SYN1: variants seen among roughly 807,000 people sequenced by gnomAD.
SYN1 encodes synapsin I, also known as synapsin-1.
In SYN1, 8 loss-of-function variants were observed where a neutral mutation model predicts 44.6. That is an observed-to-expected ratio of 0.18 (90% CI 0.11 to 0.32). SYN1 has a LOEUF of 0.32. Among genes scored for constraint, SYN1 ranks in the 10% least tolerant of loss-of-function variants. The pLI is 1.00. For missense variants in SYN1, 451 were observed against 639.4 expected (o/e 0.71, Z 3.18); for synonymous variants, 275 against 280.1 (o/e 0.98, Z 0.18).
At position 47,619,529 on chromosome X, in the gene SYN1, C is replaced by T. The variant is rs1297707288; in HGVS notation, c.200G>A (p.Ser67Asn). 1.7e-6 allele frequency: 2 copies of T among 1,192,334 alleles called. No homozygotes were observed. The highest frequency in any genetic ancestry group is 1.1e-6 in the Non-Finnish European group (1 of 888,778). Residue 67 changes from serine (S) to asparagine (N), a missense_variant, in exon 1 of 13, where the codon AGC (serine) becomes AAC (asparagine). This residue lies in a region of SYN1 where 315 missense variants were observed against 451.4 expected (regional missense o/e 0.70). Coordinates refer to ENST00000295987, the MANE Select transcript of SYN1 (RefSeq NM_006950.3). Reference protein sequence around the residue: ...VAPAASPAAPSPGSSGGGGFF... With the variant: ...VAPAASPAAPNPGSSGGGGFF... ...GCCACCGCCCCCCGAGGACCCGGGG[C>T]TAGGGGCGGCCGGAGAGGCCGCTGG...
chrX:47,606,848 A>G, intron 3 of SYN1, 97 bp downstream of exon 3: 1 of 882,293 alleles, frequency 1.1e-6, no homozygotes, highest in South Asian at 2.1e-5. Context: ...GTTCTTGCCC[A>G]CAGAAGGATG....
rs2147912165 is a variant in SYN1, at chrX:47,574,301, T to TG, written c.1682dup (p.Gln562ThrfsTer122). 3.7e-6 allele frequency: 4 copies of TG among 1,093,043 alleles called. No homozygotes were observed. The highest frequency in any genetic ancestry group is 3.3e-5 in the Admixed American group (1 of 30,688). 90.1% of individuals were successfully genotyped at this position (1,093,043 alleles called of 1,213,427 possible). A position where few individuals can be genotyped will look rare whatever the true frequency, so the allele number is the denominator to read the frequency against. Reference sequence around the variant, plus strand: ...AGACGGATGTCTGACGGGTAGCCTGTGGGGGGCCCGCCTGGCGCTGGGGAG... The same window carrying TG: ...AGACGGATGTCTGACGGGTAGCCTGTGGGGGGGCCCGCCTGGCGCTGGGGAG... On this transcript the variant is annotated frameshift_variant, in exon 12 of 13. Coordinates refer to ENST00000295987, the MANE Select transcript of SYN1 (RefSeq NM_006950.3). LOFTEE classifies it high-confidence loss of function.
Position 47,574,256 on chromosome X carries a change from C to A in SYN1, c.1728G>T (p.Lys576Asn). ...QTSVSGPAPPKASGAPPGGQQ... is the reference protein window; with the variant it reads ...QTSVSGPAPPNASGAPPGGQQ... ...GCCCGCCCGGTGGGGCCCCAGAGGC[C>A]TTTGGCGGAGCCGGGCCAGAGACGG... is the stretch of plus-strand genomic sequence containing the variant. Residue 576 changes from lysine to asparagine, a missense_variant, in exon 12 of 13, where the codon AAG becomes AAT. Transcript: ENST00000295987. 1 of 1,103,681 alleles carries A rather than the reference C, an allele frequency of 9.1e-7. No homozygotes were observed. The highest frequency in any genetic ancestry group is 1.2e-6 in the Non-Finnish European group (1 of 848,793). The allele number at this position is 1,103,681 out of a possible 1,213,427, so 91.0% of individuals were successfully genotyped here.
rs752832099 is a variant in SYN1, at chrX:47,585,299, C to T, written c.775-7798G>A. On this transcript the variant is annotated intron_variant, in intron 5 of 12. Coordinates refer to ENST00000295987, the MANE Select transcript of SYN1 (RefSeq NM_006950.3). ...AGTGTCTGCGGATACTTCCACAGGT[C>T]CCACAACCGCAGCGAGGAGTTTCTC... The T allele has an allele frequency of 1.6e-5, 19 of 1,211,784 alleles. No homozygotes were observed. The South Asian group carries it at 2.8e-4, about 18-fold the overall frequency.
At chrX:47,602,983 A>C (rs2147926669) in intron 5 of SYN1, among the ~76,000 whole-genome samples, 1 of 109,993 alleles carries the variant, frequency 9.1e-6, no homozygotes, top group East Asian at 2.8e-4. Context: ...CTCATAATTT[A>C]TATTAGTAAT....
chrX:47,599,376 T>C (rs184220411), intron 5 of SYN1, among the ~76,000 whole-genome samples: 1 of 112,562 alleles, frequency 8.9e-6, no homozygotes, highest in East Asian at 2.8e-4. Context: ...AAACAAAATA[T>C]AAAAACTATT....
chrX:47,595,087 G>A (rs1299469609), intron 5 of SYN1, among the ~76,000 whole-genome samples: 1 of 111,592 alleles, frequency 9.0e-6, no homozygotes, highest in African/African-American at 3.3e-5. Flanking sequence ...TCCATGAAGG[G>A]CTGAAGAGGA....
chrX:47,599,280 A>C (rs902632660), intron 5 of SYN1, among the ~76,000 whole-genome samples: 1 of 112,248 alleles, frequency 8.9e-6, no homozygotes, highest in African/African-American at 3.2e-5. Context: ...GGAAAAAAAA[A>C]CGTGCAGCTT....
chrX:47,573,956 C>A, intron 12 of SYN1, 46 bp downstream of exon 12: 1 of 1,080,848 alleles, frequency 9.3e-7, no homozygotes, highest in Non-Finnish European at 1.2e-6. Flanking sequence ...GGCAGCGGCC[C>A]GCTTTGTGAG....
At chrX:47,584,898 G>A in intron 5 of SYN1, 1 of 1,115,788 alleles carries the variant, frequency 9.0e-7, no homozygotes, top group Non-Finnish European at 1.2e-6. Flanking sequence ...ATTGGCTCAT[G>A]CAGTCCATTT....
chrX:47,591,269 T>C (rs2057846869), intron 5 of SYN1, among the ~76,000 whole-genome samples: 3 of 112,555 alleles, frequency 2.7e-5, no homozygotes, highest in Non-Finnish European at 5.6e-5. Flanking sequence ...TTGTCAGAAC[T>C]ACATAGTTAC....
Position 47,576,636 on chromosome X carries a change from T to C in SYN1, c.842A>G (p.Lys281Arg), listed in dbSNP as rs756851219. 1.7e-6 allele frequency: 2 copies of C among 1,211,880 alleles called. No homozygotes were observed. The highest frequency in any genetic ancestry group is 2.2e-6 in the Non-Finnish European group (2 of 895,597). ...CTGGAAGTCATGCTGGTTGTCAACCTTGACCTGTGGAAGTGCGGGCAAGGA... is the reference window on the plus strand; with the variant it reads ...CTGGAAGTCATGCTGGTTGTCAACCCTGACCTGTGGAAGTGCGGGCAAGGA... ...GHAHSGMGKV[K>R]VDNQHDFQDI... The change falls in exon 7 of 13, where the codon AAG becomes AGG. Residue 281 changes from lysine to arginine, a missense_variant. By Grantham distance (26) the Lys-to-Arg change is conservative. Around this residue, in one of 3 missense-constraint regions of SYN1, gnomAD observed 315 missense variants for 451.4 expected, o/e 0.70. Coordinates refer to ENST00000295987, the MANE Select transcript of SYN1 (RefSeq NM_006950.3).
At chrX:47,606,724 G>C (rs2057898330) in intron 3 of SYN1, among the ~76,000 whole-genome samples, 2 of 104,365 alleles carry the variant, frequency 1.9e-5, no homozygotes, top group Middle Eastern at 9.6e-3. Context: ...GCAAGACCCT[G>C]TCTGAAATAT....
Position 47,606,987 on chromosome X carries a change from G to A in SYN1, c.485C>T (p.Ser162Phe), listed in dbSNP as rs1287722996. Residue 162 changes from serine (S) to phenylalanine (F), a missense_variant, in exon 3 of 13, where the codon TCT becomes TTT. Physicochemically the swap from Ser to Phe is radical, Grantham distance 155. Around this residue, in one of 3 missense-constraint regions of SYN1, gnomAD observed 315 missense variants for 451.4 expected, o/e 0.70. Coordinates refer to ENST00000295987, the MANE Select transcript of SYN1 (RefSeq NM_006950.3). ...ATTCCGAAGAACTTCCATATCCACAGAGAATCCACCATTGGCATGGGCCAC... is the reference window on the plus strand; with the variant it reads ...ATTCCGAAGAACTTCCATATCCACAAAGAATCCACCATTGGCATGGGCCAC... ...NLVAHANGGF[S>F]VDMEVLRNGV... is the part of the protein sequence containing the mutation. The A allele has an allele frequency of 8.3e-7, 1 of 1,208,604 alleles. No individual in the cohort carries two copies. The highest frequency in any genetic ancestry group is 1.8e-5 in the African/African-American group (1 of 56,692).
At chrX:47,602,079 T>C (rs1049930800) in intron 5 of SYN1, among the ~76,000 whole-genome samples, 1 of 112,604 alleles carries the variant, frequency 8.9e-6, no homozygotes, top group Non-Finnish European at 1.9e-5. Flanking sequence ...GCAGTTAATA[T>C]ATGCCAGATG....
rs745743511 is a variant in SYN1 at position 47,575,163 on chromosome X, G to A, written c.1270C>T (p.Arg424Trp). The A allele has an allele frequency of 1.7e-6, 2 of 1,192,482 alleles. No homozygotes were observed. Among genetic ancestry groups the A allele is most frequent in the Non-Finnish European group, 2.3e-6 (2 of 885,705 alleles). ...GAGCCCCTGCCAGGGGAGGCATCCC[G>A]CTGTCGCTGCCGGGGCAGGGCCTGA... ...MAQALPRQRQRDASPGRGSHG... is the reference protein window; with the variant it reads ...MAQALPRQRQWDASPGRGSHG... Residue 424 changes from arginine (R) to tryptophan (W), a missense_variant, in exon 10 of 13, where the codon CGG becomes TGG. By Grantham distance (101) the Arg-to-Trp change is moderately radical. Around this residue, in one of 3 missense-constraint regions of SYN1, gnomAD observed 315 missense variants for 451.4 expected, o/e 0.70. Coordinates refer to ENST00000295987, the MANE Select transcript of SYN1 (RefSeq NM_006950.3).
Position 47,574,560 on chromosome X carries a change from TG to T in SYN1, c.1423del (p.Gln475SerfsTer192). On this transcript the variant is annotated frameshift_variant, in exon 12 of 13. Coordinates refer to ENST00000295987, the MANE Select transcript of SYN1 (RefSeq NM_006950.3). LOFTEE classifies it high-confidence loss of function. ...GGPPQPGPGPQRQGPPLQQRP... is the reference protein window; with the variant it reads ...GGPPQPGPGPXRQGPPLQQRP... ...CTGCTGCAATGGGGGTCCCTGGCGC[TG>T]GGGGCCTGGACCCGGCTGTGGAGGG... 9.2e-7 allele frequency: 1 copy of T among 1,083,493 alleles called. No homozygotes were observed. The highest frequency in any genetic ancestry group is 1.2e-6 in the Non-Finnish European group (1 of 834,184). 89.3% of individuals were successfully genotyped at this position (1,083,493 alleles called of 1,213,427 possible).
chrX:47,593,466 AC>A (rs901232576), intron 5 of SYN1, among the ~76,000 whole-genome samples: 2 of 110,036 alleles, frequency 1.8e-5, no homozygotes, highest in African/African-American at 6.6e-5. Flanking sequence ...ATGGGGTTTT[AC>A]CATGTTGGTC....
chrX:47,590,910 T>C (rs866802644), intron 5 of SYN1, among the ~76,000 whole-genome samples: 13 of 112,262 alleles, frequency 1.2e-4, no homozygotes, highest in African/African-American at 3.9e-4. Flanking sequence ...ATTTTATTTT[T>C]GAGACAGAGT....
Sources: allele counts gnomAD v4.1 joint callset (sites outside exome capture counted in the v4.1 genomes callset), GRCh38; gene constraint gnomAD v4.1.1; regional missense constraint gnomAD v4.1.1; transcripts MANE v1.5; gene names NCBI Gene and HGNC (gene_info 2026-07-23, HGNC 2026-07-21).